Variants in CDK14 observed in about 807,000 individuals in gnomAD.
The protein encoded by CDK14 is cyclin dependent kinase 14.
In CDK14, 34 loss-of-function variants were observed where a neutral mutation model predicts 60.7. The ratio of observed to expected loss-of-function variants is 0.56; its 90% confidence interval spans 0.43 to 0.75. The LOEUF is 0.75. Ranked by LOEUF, CDK14 falls within the 30% of genes least tolerant of loss-of-function variation. The pLI is 0.00. For synonymous variants in CDK14, 197 were observed against 203.7 expected (o/e 0.97, Z 0.28); for missense variants, 482 against 564.1 (o/e 0.85, Z 1.47).
At chr7:90,681,216 GC>G (rs1262148578) in intron 2 of CDK14, among the ~76,000 whole-genome samples, 6 of 152,084 alleles carry the variant, frequency 3.9e-5, no homozygotes, top group Admixed American at 2.0e-4. Flanking sequence ...AGATGTTTTT[GC>G]TTTCCCGTAT....
intron 8 of CDK14, among the ~76,000 whole-genome samples, chr7:90,941,614 A>AT (rs1345525763): frequency 9.4e-4 from 135 of 143,052 alleles, no homozygotes; most frequent in Middle Eastern, 3.8e-3. Context: ...AAACCCAGCT[A>AT]TTTTTTTTTT....
intron 8 of CDK14, among the ~76,000 whole-genome samples, chr7:90,940,469 G>A (rs1286157851): frequency 6.6e-6 from 1 of 151,996 alleles, no homozygotes; most frequent in African/African-American, 2.4e-5. Context: ...GAATCTCCAT[G>A]CCCGTAAGTC....
chr7:90,906,184 T>C (rs1792693719), intron 7 of CDK14, among the ~76,000 whole-genome samples: 1 of 152,136 alleles, frequency 6.6e-6, no homozygotes, highest in African/African-American at 2.4e-5. Flanking sequence ...AAAATAATAT[T>C]TACTAAGTTA....
At chr7:91,041,643 T>G (rs1272535354) in intron 10 of CDK14, among the ~76,000 whole-genome samples, 1 of 152,254 alleles carries the variant, frequency 6.6e-6, no homozygotes, top group Non-Finnish European at 1.5e-5. Flanking sequence ...CTCTGATATC[T>G]TCTCTTGAAT....
intron 5 of CDK14, among the ~76,000 whole-genome samples, chr7:90,837,411 C>T (rs1790143350): frequency 3.3e-5 from 5 of 151,830 alleles, no homozygotes; most frequent in Admixed American, 3.3e-4. Flanking sequence ...CCTCAGCCTC[C>T]CGAGTAGCTG....
At chr7:90,659,816 A>C (rs528790962) in intron 2 of CDK14, among the ~76,000 whole-genome samples, 16 of 147,852 alleles carry the variant, frequency 1.1e-4, no homozygotes, top group Non-Finnish European at 1.6e-4. Context: ...GAGGGGATGG[A>C]ATCCTGGAGC....
In CDK14 at chr7:91,098,722, TTTC is replaced by T. The variant is rs939572447; in HGVS notation, c.1155-13814_1155-13812del. 3.7e-4 allele frequency among the ~76,000 whole-genome samples: 57 copies of T among 152,174 alleles called. 1 individual carries two copies. The highest frequency in any genetic ancestry group is 8.8e-5 in the Non-Finnish European group (6 of 68,016). On this transcript the variant is annotated intron_variant, in intron 12 of 14. Coordinates refer to ENST00000380050, the MANE Select transcript of CDK14 (RefSeq NM_001287135.2). ...GTGGAATGTTAACTGCTCTGCTATT[TTTC>T]TTCTTTTTATCATGGCCCAAGATTC...
In CDK14 at chr7:91,067,916, C is replaced by A. The variant is rs866666948; in HGVS notation, c.1106-11516C>A. Among the ~76,000 whole-genome samples the A allele has an allele frequency of 4.6e-5, 7 of 152,298 alleles. No homozygotes were observed. In the South Asian group the frequency reaches 1.5e-3, roughly 32 times the overall value. ...TATCTGTAATAGAATTCCTATTCAT[C>A]CTGAAATCATAGCAAATTATTAAGC... On this transcript the variant is annotated intron_variant, in intron 11 of 14. Transcript: ENST00000380050.
chr7:91,160,773 C>T (rs1021404266), intron 14 of CDK14, among the ~76,000 whole-genome samples: 2 of 151,926 alleles, frequency 1.3e-5, no homozygotes, highest in Non-Finnish European at 2.9e-5. Flanking sequence ...TAGTTATGTA[C>T]ATGGATGTTA....
At chr7:90,933,156 A>G (rs1049288979) in intron 8 of CDK14, among the ~76,000 whole-genome samples, 1 of 151,966 alleles carries the variant, frequency 6.6e-6, no homozygotes, top group Admixed American at 6.6e-5. Flanking sequence ...CCTGGGAAAC[A>G]TGGTGAAACC....
chr7:91,136,895 T>A (rs1213968435), intron 14 of CDK14, among the ~76,000 whole-genome samples: 1 of 152,156 alleles, frequency 6.6e-6, no homozygotes, highest in African/African-American at 2.4e-5. Context: ...ACTTGCAGCA[T>A]GTAAAAAGAA....
At chr7:91,017,877 A>G (rs17481088) in intron 10 of CDK14, among the ~76,000 whole-genome samples, 24,654 of 152,198 alleles carry the variant, frequency 0.16, 2,288 homozygotes, top group Middle Eastern at 0.35. Flanking sequence ...GATTATTTTC[A>G]TAACTAAAAA....
chr7:91,074,002 A>G (rs1339796079), intron 11 of CDK14, among the ~76,000 whole-genome samples: 2 of 152,150 alleles, frequency 1.3e-5, no homozygotes, highest in Non-Finnish European at 2.9e-5. Flanking sequence ...GATTCATAAA[A>G]CAAGTTCTTA....
chr7:90,861,034 T>G, intron 5 of CDK14, among the ~76,000 whole-genome samples: 1 of 152,122 alleles, frequency 6.6e-6, no homozygotes, highest in Non-Finnish European at 1.5e-5. Flanking sequence ...AGTGCTAGTC[T>G]CAGAGTCAAA....
At chr7:90,756,033 T>G (rs187117570) in intron 4 of CDK14, among the ~76,000 whole-genome samples, 1 of 152,348 alleles carries the variant, frequency 6.6e-6, no homozygotes, top group African/African-American at 2.4e-5. Flanking sequence ...ATCTTGCCTA[T>G]GTTCACACAG....
At chr7:90,931,186 G>C (rs1793581104) in intron 8 of CDK14, among the ~76,000 whole-genome samples, 1 of 152,132 alleles carries the variant, frequency 6.6e-6, no homozygotes. Flanking sequence ...TTAAAATTCA[G>C]ACATAGTATC....
At chr7:90,978,678 A>T (rs1795143627) in intron 9 of CDK14, among the ~76,000 whole-genome samples, 1 of 152,078 alleles carries the variant, frequency 6.6e-6, no homozygotes, top group Admixed American at 6.6e-5. Flanking sequence ...GCACCTTATT[A>T]AAAAAATCAC....
At chr7:90,810,546 C>G (rs1052582365) in intron 5 of CDK14, among the ~76,000 whole-genome samples, 1 of 152,194 alleles carries the variant, frequency 6.6e-6, no homozygotes, top group Non-Finnish European at 1.5e-5. Context: ...GAAGCATTCC[C>G]TTTGAAAACT....
chr7:90,741,450 C>T (rs1312955724), intron 3 of CDK14, among the ~76,000 whole-genome samples: 1 of 152,118 alleles, frequency 6.6e-6, no homozygotes, highest in Non-Finnish European at 1.5e-5. Flanking sequence ...TTTTTCATTA[C>T]ACAGAATGAG....
Sources: allele counts gnomAD v4.1 joint callset (sites outside exome capture counted in the v4.1 genomes callset), GRCh38; gene constraint gnomAD v4.1.1; transcripts MANE v1.5; gene names NCBI Gene and HGNC (gene_info 2026-07-23, HGNC 2026-07-21).